DIABLO: variants seen among roughly 807,000 people sequenced by gnomAD.
DIABLO encodes the protein diablo IAP-binding mitochondrial protein.
In DIABLO, 32 loss-of-function variants were observed where a neutral mutation model predicts 31.7. The ratio of observed to expected loss-of-function variants is 1.01; its 90% CI spans 0.76 to 1.35. The LOEUF (loss-of-function observed/expected upper bound fraction) is 1.35, where lower values mean the gene tolerates loss of function less well. Ranked by LOEUF, DIABLO falls within the 40% of genes most tolerant of loss-of-function variation. The probability of loss-of-function intolerance (pLI) is 0.00; values close to 1 mark genes in which losing one functional copy is unlikely to be tolerated. For synonymous variants in DIABLO, 132 were observed against 103.2 expected, an observed-to-expected ratio of 1.28 and a Z score of -1.69; for missense variants, 316 against 286.4, an observed-to-expected ratio of 1.10 and a Z score of -0.75.
intron 5 of DIABLO, among the ~76,000 whole-genome samples, chr12:122,214,290 C>T (rs890572205): frequency 2.6e-5 from 4 of 152,108 alleles, no homozygotes; most frequent in Non-Finnish European, 4.4e-5. Context: ...AAGTGATCCT[C>T]CTATCTTACC....
rs749956012 is a variant in DIABLO at position 122,226,022 on chromosome 12, C to T, written c.-8G>A. 3 of 1,601,830 alleles carry T rather than the reference C, an allele frequency of 1.9e-6. No individual in the cohort carries two copies. Among genetic ancestry groups the T allele is most frequent in the Admixed American group, 3.4e-5 (2 of 58,776 alleles). On this transcript the variant is annotated 5_prime_UTR_variant, in exon 1 of 6. Coordinates refer to ENST00000464942, the MANE Select transcript of DIABLO (RefSeq NM_001371333.1). ...ACTCTTCAGAGCCGCCATTGTGCAG[C>T]GCGCGGACGCCAGACGCACACGCCG...
At chr12:122,226,138 G>A, upstream of DIABLO, 1 of 1,407,692 alleles carries the variant, frequency 7.1e-7, no homozygotes, top group Non-Finnish European at 9.7e-7. Flanking sequence ...CAAGGAAGCA[G>A]TCGGGATTGG....
At position 122,216,792 on chromosome 12, in the gene DIABLO, T is replaced by TTCA; in HGVS notation, c.390_392dup (p.Asp130dup). ...TGGCTCCTATGATCACCTGCCACAC[T>TTCA]TCATCTTCCTCCTCTGAATTCATTT... On this transcript the variant is annotated inframe_insertion, in exon 4 of 6. Transcript: ENST00000464942. The TTCA allele has an allele frequency of 6.2e-7, 1 of 1,614,206 alleles. No homozygotes were observed. The highest frequency in any genetic ancestry group is 8.5e-7 in the Non-Finnish European group (1 of 1,180,046).
rs1954400460 is a variant in DIABLO, at chr12:122,224,402, G to C, written c.183+110C>G. The C allele has an allele frequency of 2.0e-6, 3 of 1,528,962 alleles. No individual in the cohort carries two copies. In the Admixed American group the frequency reaches 5.0e-5, roughly 26 times the overall value. 94.7% of individuals were successfully genotyped at this position (1,528,962 alleles called of 1,614,324 possible). ...AAAGATGCCGGTACTGTGGGGGAAG[G>C]GATGGGAGCACTGGGAAAAACTATG... On this transcript the variant is annotated intron_variant, in intron 2 of 5. Coordinates refer to ENST00000464942, the MANE Select transcript of DIABLO (RefSeq NM_001371333.1).
chr12:122,208,476 C>A lies in DIABLO; in HGVS notation c.625G>T (p.Ala209Ser). 1 of 1,614,182 alleles carries A rather than the reference C, an allele frequency of 6.2e-7. No individual in the cohort carries two copies. Among genetic ancestry groups the A allele is most frequent in the Non-Finnish European group, 8.5e-7 (1 of 1,180,030 alleles). The change falls in exon 6 of 6, where the codon GCA (alanine) becomes TCA (serine). Residue 209 changes from alanine (A) to serine (S), a missense_variant. Ala to Ser is a moderately conservative substitution (Grantham distance 99). Transcript: ENST00000464942. ...CGGAGCTCTTCTATCTGTGCTTCTGCCAGCTTGGTTTCTGCTTTCCGGGAG... is the reference window on the plus strand; with the variant it reads ...CGGAGCTCTTCTATCTGTGCTTCTGACAGCTTGGTTTCTGCTTTCCGGGAG... ...QLSRKAETKL[A>S]EAQIEELRQK...
In DIABLO at chr12:122,216,798, T is replaced by C. The variant is rs1281156854; in HGVS notation, c.387A>G (p.Glu129=). Residue 129 remains glutamate (E), a synonymous_variant, in exon 4 of 6, where the codon GAA becomes GAG. Coordinates refer to ENST00000464942, the MANE Select transcript of DIABLO (RefSeq NM_001371333.1). ...SLLGKMNSEE[E]DEVWQVIIGA... is the part of the protein sequence containing the mutation. Reference sequence around the variant, plus strand: ...CTATGATCACCTGCCACACTTCATCTTCCTCCTCTGAATTCATTTTCCCAA... The same window carrying C: ...CTATGATCACCTGCCACACTTCATCCTCCTCCTCTGAATTCATTTTCCCAA... 2.5e-6 allele frequency: 4 copies of C among 1,614,218 alleles called. No individual in the cohort carries two copies. The highest frequency in any genetic ancestry group is 3.4e-6 in the Non-Finnish European group (4 of 1,180,036).
upstream of DIABLO, chr12:122,226,297 G>A (rs1040508774): frequency 2.9e-6 from 2 of 680,428 alleles, no homozygotes; most frequent in Admixed American, 2.1e-5. Context: ...GTCGGGCGCC[G>A]TGACGCTGGC....
chr12:122,224,479 A>G, intron 2 of DIABLO, 33 bp downstream of exon 2: 1 of 1,613,758 alleles, frequency 6.2e-7, no homozygotes, highest in Non-Finnish European at 8.5e-7. Flanking sequence ...AGGACACGGT[A>G]CACTAGATAA....
At chr12:122,218,517 A>G (rs1455320383) in intron 2 of DIABLO, 120 bp from the exon 3 acceptor site, 26 of 1,307,730 alleles carry the variant, frequency 2.0e-5, no homozygotes, top group Admixed American at 5.4e-5. Context: ...AAACTGCACT[A>G]TATTTCTTTG....
chr12:122,225,446 T>C (rs1170298012), intron 1 of DIABLO: 1 of 1,002,508 alleles, frequency 1.0e-6, no homozygotes, highest in African/African-American at 1.7e-5. Flanking sequence ...GATGCCACAA[T>C]AACCGCTCCT....
At chr12:122,216,371 G>A (rs935073619) in intron 5 of DIABLO, 117 bp downstream of exon 5, 10 of 837,194 alleles carry the variant, frequency 1.2e-5, no homozygotes, top group Admixed American at 2.6e-5. Flanking sequence ...CTCAAAGTGA[G>A]AGCCACTTAG....
upstream of DIABLO, chr12:122,226,238 G>A (rs1010952062): frequency 6.5e-5 from 49 of 751,178 alleles, no homozygotes; most frequent in Non-Finnish European, 1.0e-4. Flanking sequence ...CGCGGGGCGG[G>A]GCATATGCAG....
intron 1 of DIABLO, chr12:122,225,576 C>T: frequency 8.5e-7 from 1 of 1,183,156 alleles, no homozygotes; most frequent in South Asian, 1.8e-5. Context: ...TCCCCCGGCC[C>T]CTTCTGCCCT....
At chr12:122,216,925 A>G (rs544092660) in intron 3 of DIABLO, 56 bp from the exon 4 acceptor site, 9 of 1,445,364 alleles carry the variant, frequency 6.2e-6, no homozygotes, top group Middle Eastern at 3.5e-4. Flanking sequence ...ATCAGAAGGA[A>G]TAGAGAGATT....
chr12:122,213,244 A>G (rs528992311), intron 5 of DIABLO, among the ~76,000 whole-genome samples: 1 of 152,126 alleles, frequency 6.6e-6, no homozygotes, highest in Admixed American at 6.5e-5. Flanking sequence ...AAGTGAAATC[A>G]TAAGGCCGTG....
At position 122,216,509 on chromosome 12, in the gene DIABLO, C is replaced by A. The variant is rs1365705749; in HGVS notation, c.502G>T (p.Ala168Ser). Residue 168 changes from alanine (A) to serine (S), a missense_variant, in exon 5 of 6, where the codon GCA becomes TCA. Transcript: ENST00000464942. ...CTACCAGTTTGATATGCAGCTTCTGCTGCCATCTCTGAAAGACCAACTGCA... is the reference window on the plus strand; with the variant it reads ...CTACCAGTTTGATATGCAGCTTCTGATGCCATCTCTGAAAGACCAACTGCA... ...MTAVGLSEMA[A>S]EAAYQTGADQ... 1.2e-6 allele frequency: 2 copies of A among 1,614,052 alleles called. No homozygotes were observed. Among genetic ancestry groups the A allele is most frequent in the Non-Finnish European group, 1.7e-6 (2 of 1,179,982 alleles).
chr12:122,225,426 T>C (rs1377715201), intron 1 of DIABLO: 1 of 997,694 alleles, frequency 1.0e-6, no homozygotes, highest in Non-Finnish European at 1.2e-6. Flanking sequence ...CTTTAAACTT[T>C]TTAGAAACGG....
At chr12:122,216,421 A>C (rs781399473) in intron 5 of DIABLO, 67 bp downstream of exon 5, 189 of 1,387,926 alleles carry the variant, frequency 1.4e-4, no homozygotes, top group Non-Finnish European at 1.7e-4. Context: ...AAACCAGATG[A>C]AAACTCAAAT....
At chr12:122,216,933 A>G (rs1954228091) in intron 3 of DIABLO, 64 bp from the exon 4 acceptor site, 3 of 1,396,176 alleles carry the variant, frequency 2.1e-6, no homozygotes, top group Non-Finnish European at 3.0e-6. Context: ...GAATAGAGAG[A>G]TTTCCACCTC....
Sources: allele counts gnomAD v4.1 joint callset (sites outside exome capture counted in the v4.1 genomes callset), GRCh38; gene constraint gnomAD v4.1.1; transcripts MANE v1.5; gene names NCBI Gene and HGNC (gene_info 2026-07-23, HGNC 2026-07-21).